The following IPMK variants were observed in gnomAD, a reference collection of about 807,000 sequenced individuals.
IPMK encodes the protein inositol polyphosphate multikinase.
In IPMK, 17 loss-of-function variants were observed where a neutral mutation model predicts 45.8. The ratio of observed to expected loss-of-function variants is 0.37; its 90% confidence interval spans 0.25 to 0.56. The LOEUF (loss-of-function observed/expected upper bound fraction) is 0.56, where lower values mean the gene tolerates loss of function less well. IPMK is among the 20% of genes least tolerant of loss of function. The probability of loss-of-function intolerance (pLI) is 0.79; values close to 1 mark genes in which losing one functional copy is unlikely to be tolerated. For synonymous variants in IPMK, 180 were observed against 184.3 expected, an observed-to-expected ratio of 0.98 and a Z score of 0.19; for missense variants, 399 against 498.0, an observed-to-expected ratio of 0.80 and a Z score of 1.89.
At chr10:58,242,321 G>A (rs181169929) in intron 1 of IPMK, among the ~76,000 whole-genome samples, 3 of 152,140 alleles carry the variant, frequency 2.0e-5, no homozygotes, top group South Asian at 2.1e-4. Context: ...TTAGCCAGGC[G>A]TTGTGGCGGA....
chr10:58,253,734 C>CAAAAAAAAA (rs1183304261), intron 1 of IPMK, among the ~76,000 whole-genome samples: 1 of 49,878 alleles, frequency 2.0e-5, no homozygotes, highest in African/African-American at 9.6e-5. Flanking sequence ...ACTCCATCTC[C>CAAAAAAAAA]AAAAAAAAAA....
intron 1 of IPMK, among the ~76,000 whole-genome samples, chr10:58,249,964 C>T (rs1360845267): frequency 6.6e-6 from 1 of 152,158 alleles, no homozygotes; most frequent in Non-Finnish European, 1.5e-5. Flanking sequence ...ATGTATGTGG[C>T]TTAGCACCTT....
intron 1 of IPMK, among the ~76,000 whole-genome samples, chr10:58,242,928 C>T (rs1838718148): frequency 1.3e-5 from 2 of 152,224 alleles, no homozygotes; most frequent in South Asian, 4.2e-4. Context: ...GTGTGTAGCA[C>T]TTCCCCCTTC....
At chr10:58,230,304 C>A (rs1484831522) in intron 2 of IPMK, among the ~76,000 whole-genome samples, 1 of 152,220 alleles carries the variant, frequency 6.6e-6, no homozygotes, top group African/African-American at 2.4e-5. Context: ...AGCAGTGGTT[C>A]TCCCGGCATG....
At chr10:58,204,926 C>T (rs576009872) in intron 4 of IPMK, among the ~76,000 whole-genome samples, 12 of 152,162 alleles carry the variant, frequency 7.9e-5, no homozygotes, top group African/African-American at 2.9e-4. Context: ...AAATGGAAAA[C>T]ATTTATGGTC....
At position 58,245,172 on chromosome 10, in the gene IPMK, G is replaced by C. The variant is rs963156656; in HGVS notation, c.191-7358C>G. ...ACATTATGCTAAGTGAAATAAGCCA[G>C]TGTAACAAAAAGATAAATACTACAT... On this transcript the variant is annotated intron_variant, in intron 1 of 5. Transcript: ENST00000373935. Among the ~76,000 whole-genome samples the C allele has an allele frequency of 2.7e-5, 4 of 150,500 alleles. No individual in the cohort carries two copies. In the South Asian group the frequency reaches 8.3e-4, roughly 31 times the overall value.
At chr10:58,260,301 A>G (rs1839043822) in intron 1 of IPMK, among the ~76,000 whole-genome samples, 1 of 152,244 alleles carries the variant, frequency 6.6e-6, no homozygotes, top group Admixed American at 6.5e-5. Context: ...CGATAACAGG[A>G]AACTAAAGAA....
chr10:58,258,329 A>G (rs532896538), intron 1 of IPMK, among the ~76,000 whole-genome samples: 1 of 152,208 alleles, frequency 6.6e-6, no homozygotes, highest in East Asian at 1.9e-4. Context: ...AACAAAAAAT[A>G]GAATATTAGT....
intron 1 of IPMK, among the ~76,000 whole-genome samples, chr10:58,261,393 G>A (rs1308707636): frequency 6.6e-6 from 1 of 151,820 alleles, no homozygotes; most frequent in African/African-American, 2.4e-5. Flanking sequence ...TTTCTGTAAA[G>A]TTTTGTTTTT....
chr10:58,264,857 G>C (rs1839126068), intron 1 of IPMK, among the ~76,000 whole-genome samples: 1 of 152,082 alleles, frequency 6.6e-6, no homozygotes, highest in Middle Eastern at 3.2e-3. Context: ...AGATTTATTT[G>C]TATAAAAAAA....
intron 1 of IPMK, among the ~76,000 whole-genome samples, chr10:58,239,084 G>A (rs369462622): frequency 3.3e-5 from 5 of 152,274 alleles, no homozygotes; most frequent in Admixed American, 6.5e-5. Context: ...AGGAGTTTGA[G>A]GCTGCAATTA....
chr10:58,237,913 A>C (rs766284256), intron 1 of IPMK, 99 bp from the exon 2 acceptor site: 1 of 830,930 alleles, frequency 1.2e-6, no homozygotes, highest in Non-Finnish European at 2.0e-6. Flanking sequence ...AACTACTTCC[A>C]TTAAACTTAA....
intron 1 of IPMK, among the ~76,000 whole-genome samples, chr10:58,244,356 C>CT (rs1838758231): frequency 6.7e-6 from 1 of 149,622 alleles, no homozygotes; most frequent in Non-Finnish European, 1.5e-5. Context: ...CCCGGCCGCC[C>CT]CCTCTGGGAA....
At chr10:58,232,028 C>G (rs1015408629) in intron 2 of IPMK, among the ~76,000 whole-genome samples, 61 of 152,200 alleles carry the variant, frequency 4.0e-4, no homozygotes, top group African/African-American at 1.5e-3. Context: ...GGTTACAATC[C>G]TAGTCTCTGA....
rs977963457 is a variant in IPMK, at chr10:58,193,408, A to G, written c.*2668T>C. The G allele has an allele frequency of 1.3e-5, 2 of 151,906 alleles. No individual in the cohort carries two copies. The highest frequency in any genetic ancestry group is 4.8e-5 in the African/African-American group (2 of 41,436). The allele number at this position is 151,906 out of a possible 1,614,324, so 9.4% of individuals were successfully genotyped here. Reference sequence around the variant, plus strand: ...ACTGAGTTGAAATACCACAAGCTCCACATTAGAGCCATTTAATATACACAT... The same window carrying G: ...ACTGAGTTGAAATACCACAAGCTCCGCATTAGAGCCATTTAATATACACAT... On this transcript the variant is annotated 3_prime_UTR_variant, in exon 6 of 6. Transcript: ENST00000373935.
intron 4 of IPMK, among the ~76,000 whole-genome samples, chr10:58,211,357 A>G (rs1838156162): frequency 6.6e-6 from 1 of 151,822 alleles, no homozygotes; most frequent in Non-Finnish European, 1.5e-5. Flanking sequence ...ATATGCAACT[A>G]ATTTTAATAT....
chr10:58,217,969 C>G (rs750751947), intron 3 of IPMK, among the ~76,000 whole-genome samples: 2 of 151,966 alleles, frequency 1.3e-5, no homozygotes, highest in African/African-American at 2.4e-5. Context: ...TATGCTCAAA[C>G]AAAAGTGAGA....
At chr10:58,253,896 C>T (rs1013520124) in intron 1 of IPMK, among the ~76,000 whole-genome samples, 1 of 151,946 alleles carries the variant, frequency 6.6e-6, no homozygotes, top group Non-Finnish European at 1.5e-5. Flanking sequence ...CTGAGGAATC[C>T]ACAGAAAGCC....
At chr10:58,242,213 T>C (rs1051404026) in intron 1 of IPMK, among the ~76,000 whole-genome samples, 3 of 152,078 alleles carry the variant, frequency 2.0e-5, no homozygotes, top group Admixed American at 1.3e-4. Context: ...ATAGAAAAAG[T>C]ACACAACATG....
Sources: gnomAD v4.1 joint callset for allele counts (sites outside exome capture counted in the v4.1 genomes callset) on GRCh38, gnomAD v4.1.1 for gene constraint, MANE v1.5 for transcripts, NCBI Gene and HGNC (gene_info 2026-07-23, HGNC 2026-07-21) for gene names.